The following PHRF1 variants were observed in gnomAD, a reference collection of about 807,000 sequenced individuals.
The protein encoded by PHRF1 is PHD and ring finger domains 1, also known as PHD and RING finger domain-containing protein 1.
A neutral mutation model predicts 128.9 loss-of-function variants in PHRF1; 53 were observed. The ratio of observed to expected loss-of-function variants is 0.41; its 90% CI spans 0.33 to 0.52. The LOEUF (loss-of-function observed/expected upper bound fraction) is 0.52, where lower values mean the gene tolerates loss of function less well. Ranked by LOEUF, PHRF1 falls within the 20% of genes least tolerant of loss-of-function variation. The pLI is 0.21. For synonymous variants in PHRF1, 1,178 were observed against 980.6 expected, an observed-to-expected ratio of 1.20 and a Z score of -3.76; for missense variants, 2,503 against 2,284.5, an observed-to-expected ratio of 1.10 and a Z score of -1.95.
intron 14 of PHRF1, 113 bp downstream of exon 14, chr11:609,833 A>G: frequency 1.4e-6 from 1 of 719,740 alleles, no homozygotes; most frequent in Non-Finnish European, 2.2e-6. Flanking sequence ...CCGAGGACAG[A>G]GCCCCCCGTG....
At chr11:586,184 C>T (rs983073414) in intron 3 of PHRF1, among the ~76,000 whole-genome samples, 2 of 151,772 alleles carry the variant, frequency 1.3e-5, no homozygotes, top group African/African-American at 2.4e-5. Context: ...TTAGTAGAGA[C>T]GGGGTTTCAC....
rs1238031201 is a variant in PHRF1, at chr11:576,541, C to T, written c.-73C>T. The T allele has an allele frequency of 2.6e-5, 4 of 152,110 alleles. No individual in the cohort carries two copies. The highest frequency in any genetic ancestry group is 4.8e-5 in the African/African-American group (2 of 41,308). The allele number at this position is 152,110 out of a possible 1,614,324, so 9.4% of individuals were successfully genotyped here. On this transcript the variant is annotated 5_prime_UTR_variant, in exon 1 of 18. Transcript: ENST00000264555. ...GCCGGGCCTAGGAGCGACTCTCGGTCGTGCAGCGGCGGCGAGCGCTCGCGA... is the reference window on the plus strand; with the variant it reads ...GCCGGGCCTAGGAGCGACTCTCGGTTGTGCAGCGGCGGCGAGCGCTCGCGA...
chr11:598,749 T>A (rs938716901), intron 9 of PHRF1, among the ~76,000 whole-genome samples: 1 of 152,246 alleles, frequency 6.6e-6, no homozygotes, highest in African/African-American at 2.4e-5. Context: ...ATTGTTCCCC[T>A]CTGCTTTCTG....
intron 1 of PHRF1, among the ~76,000 whole-genome samples, chr11:577,754 G>A (rs1351494301): frequency 6.6e-6 from 1 of 152,270 alleles, no homozygotes; most frequent in Non-Finnish European, 1.5e-5. Context: ...TCAGTGCCTG[G>A]GATGGGCACT....
intron 4 of PHRF1, among the ~76,000 whole-genome samples, chr11:590,460 C>G (rs779718145): frequency 2.6e-5 from 4 of 152,160 alleles, no homozygotes; most frequent in Non-Finnish European, 5.9e-5. Context: ...ACGTACCTAA[C>G]CACACCCCTG....
At chr11:606,640 G>T in intron 13 of PHRF1, 44 bp downstream of exon 13, 1 of 1,560,048 alleles carries the variant, frequency 6.4e-7, no homozygotes. Context: ...GTGGGCTGCT[G>T]GTCCTCAGGC....
rs201645397 is a variant in PHRF1 at position 608,333 on chromosome 11, G to T, written c.2877G>T (p.Thr959=). The T allele has an allele frequency of 8.7e-6, 14 of 1,609,692 alleles. No homozygotes were observed. Among genetic ancestry groups the T allele is most frequent in the Admixed American group, 1.7e-5 (1 of 59,656 alleles). ...CCTTCTTTGGCTCTGAGGAGCGGAC[G>T]GTGACCTGTGTGACTGTCGTGGAGC... ...CSTFFGSEER[T]VTCVTVVEPE... The change falls in exon 14 of 18, where the codon ACG becomes ACT. Residue 959 remains threonine (T), a synonymous_variant. Coordinates refer to ENST00000264555, the MANE Select transcript of PHRF1 (RefSeq NM_001286581.2).
chr11:608,854 G>A lies in PHRF1; in HGVS notation c.3398G>A (p.Cys1133Tyr). 6.2e-7 allele frequency: 1 copy of A among 1,612,314 alleles called. No homozygotes were observed. The highest frequency in any genetic ancestry group is 2.2e-5 in the East Asian group (1 of 44,846). The change falls in exon 14 of 18, where the codon TGC (cysteine) becomes TAC (tyrosine). Residue 1133 changes from cysteine to tyrosine, a missense_variant. Coordinates refer to ENST00000264555, the MANE Select transcript of PHRF1 (RefSeq NM_001286581.2). ...CCCACCAGCAGCCTGGAGAGGCTCT[G>A]CAGGCACAAGCATCAGCGGGAACGC... ...CSPTSSLERL[C>Y]RHKHQRERSH...
chr11:590,187 C>T (rs1185642241), intron 4 of PHRF1, among the ~76,000 whole-genome samples: 1 of 152,242 alleles, frequency 6.6e-6, no homozygotes, highest in Admixed American at 6.5e-5. Context: ...CTGCCGCACA[C>T]CCCTGGAGCT....
At chr11:603,829 A>C (rs988953214) in intron 10 of PHRF1, among the ~76,000 whole-genome samples, 2 of 148,582 alleles carry the variant, frequency 1.3e-5, no homozygotes, top group African/African-American at 5.0e-5. Context: ...CGGCCTCCCA[A>C]ATAGCTGGGA....
chr11:587,201 A>C, intron 3 of PHRF1, 58 bp from the exon 4 acceptor site: 3 of 1,550,844 alleles, frequency 1.9e-6, no homozygotes, highest in Non-Finnish European at 2.6e-6. Flanking sequence ...GCTTGCCTCC[A>C]GTGCCGCGGT....
At chr11:589,642 A>G (rs913868869) in intron 4 of PHRF1, among the ~76,000 whole-genome samples, 3 of 152,250 alleles carry the variant, frequency 2.0e-5, no homozygotes, top group Admixed American at 2.0e-4. Context: ...ACGATGCCGG[A>G]CGGAGTCAAG....
chr11:600,700 C>G lies in PHRF1; in HGVS notation c.1025-874C>G, dbSNP rs542709810. On this transcript the variant is annotated intron_variant, in intron 9 of 17. Transcript: ENST00000264555. ...ACAAAAATTAGGCCAGGCATGGTGG[C>G]TTACACCTGTAATCCCAGCACTTTG... Among the ~76,000 whole-genome samples the G allele has an allele frequency of 5.1e-4, 78 of 151,924 alleles. No individual in the cohort carries two copies. In the Middle Eastern group the frequency reaches 0.014, roughly 26 times the overall value.
Position 609,325 on chromosome 11 carries a change from C to T in PHRF1, c.3869C>T (p.Pro1290Leu), listed in dbSNP as rs1326568939. The T allele has an allele frequency of 6.2e-7, 1 of 1,612,422 alleles. No homozygotes were observed. The highest frequency in any genetic ancestry group is 2.2e-5 in the East Asian group (1 of 44,892). The change falls in exon 14 of 18, where the codon CCT (proline) becomes CTT (leucine). Residue 1290 changes from proline (P) to leucine (L), a missense_variant. Pro to Leu is a moderately conservative substitution (Grantham distance 98). Transcript: ENST00000264555. Reference sequence around the variant, plus strand: ...CAGCTCGATGACATGAGCTCGCCACCTTCTCCCGAAAGCACAGACTCTTCC... The same window carrying T: ...CAGCTCGATGACATGAGCTCGCCACTTTCTCCCGAAAGCACAGACTCTTCC... Reference protein sequence around the residue: ...FIQLDDMSSPPSPESTDSSPE... With the variant: ...FIQLDDMSSPLSPESTDSSPE...
At chr11:603,252 C>T (rs751816055) in intron 10 of PHRF1, among the ~76,000 whole-genome samples, 6 of 152,066 alleles carry the variant, frequency 3.9e-5, no homozygotes, top group Non-Finnish European at 8.8e-5. Context: ...CACAAGCGTT[C>T]GCCATGTTGC....
chr11:607,492 T>C lies in PHRF1; in HGVS notation c.2036T>C (p.Leu679Pro), dbSNP rs767687414. The change falls in exon 14 of 18, where the codon CTA becomes CCA. Residue 679 changes from leucine to proline, a missense_variant. Coordinates refer to ENST00000264555, the MANE Select transcript of PHRF1 (RefSeq NM_001286581.2). ...CCCAGAAGAACAGACATCTCTGAGC[T>C]ACCCAGGATACCAAAGATCAGGAGA... ...PAPRRTDISELPRIPKIRRDD... is the reference protein window; with the variant it reads ...PAPRRTDISEPPRIPKIRRDD... 9 of 1,612,806 alleles carry C rather than the reference T, an allele frequency of 5.6e-6. 1 individual carries two copies. Among genetic ancestry groups the C allele is most frequent in the South Asian group, 2.2e-5 (2 of 91,092 alleles).
chr11:583,238 C>T (rs1854321850), intron 3 of PHRF1, among the ~76,000 whole-genome samples: 1 of 152,006 alleles, frequency 6.6e-6, no homozygotes, highest in African/African-American at 2.4e-5. Context: ...ACTTGGGAGG[C>T]TGAGGCAGGA....
chr11:586,353 C>T (rs776405407), intron 3 of PHRF1, among the ~76,000 whole-genome samples: 6 of 152,228 alleles, frequency 3.9e-5, no homozygotes, highest in Non-Finnish European at 8.8e-5. Flanking sequence ...CTGCCTCCCT[C>T]GCAGCTCTCA....
At chr11:585,905 AG>A (rs1379755637) in intron 3 of PHRF1, among the ~76,000 whole-genome samples, 2 of 151,954 alleles carry the variant, frequency 1.3e-5, no homozygotes, top group Non-Finnish European at 2.9e-5. Flanking sequence ...TCTGTTGCCC[AG>A]GCTGGAGTGC....
Sources: gnomAD v4.1 joint callset for allele counts (sites outside exome capture counted in the v4.1 genomes callset) on GRCh38, gnomAD v4.1.1 for gene constraint, MANE v1.5 for transcripts, NCBI Gene and HGNC (gene_info 2026-07-23, HGNC 2026-07-21) for gene names.